The following ATP2B2 variants were observed in gnomAD, a reference collection of about 807,000 sequenced individuals.
The protein encoded by ATP2B2 is ATPase plasma membrane Ca2+ transporting 2, also known as plasma membrane calcium-transporting ATPase 2.
Under a neutral mutation model 120.0 loss-of-function variants are expected in ATP2B2, and 15 were observed. The observed-to-expected ratio is 0.12, with a 90% CI of 0.08 to 0.19. ATP2B2 has a LOEUF of 0.19. Ranked by LOEUF, ATP2B2 falls within the 10% of genes least tolerant of loss-of-function variation. The probability of loss-of-function intolerance (pLI) is 1.00; values close to 1 mark genes in which losing one functional copy is unlikely to be tolerated. For synonymous variants in ATP2B2, 694 were observed against 700.3 expected (o/e 0.99, Z 0.14); for missense variants, 1,045 against 1,719.8 (o/e 0.61, Z 6.94).
intron 3 of ATP2B2, among the ~76,000 whole-genome samples, chr3:10,527,725 C>T (rs893922981): frequency 8.5e-5 from 13 of 152,208 alleles, no homozygotes; most frequent in African/African-American, 1.7e-4. Flanking sequence ...GGGAGTGCCT[C>T]GCGAACCCAG....
intron 1 of ATP2B2, among the ~76,000 whole-genome samples, chr3:10,655,078 A>G (rs2070580162): frequency 6.6e-6 from 1 of 152,222 alleles, no homozygotes; most frequent in African/African-American, 2.4e-5. Flanking sequence ...GAACTAGTCA[A>G]TAAAAGCACA....
intron 1 of ATP2B2, among the ~76,000 whole-genome samples, chr3:10,659,470 A>T (rs2070723758): frequency 6.6e-6 from 1 of 152,230 alleles, no homozygotes; most frequent in Non-Finnish European, 1.5e-5. Context: ...ACAGACTTTA[A>T]ACAAACTAAG....
chr3:10,560,192 G>A (rs1344769758), intron 2 of ATP2B2, among the ~76,000 whole-genome samples: 3 of 152,200 alleles, frequency 2.0e-5, no homozygotes, highest in East Asian at 1.9e-4. Flanking sequence ...GAAAGGCATC[G>A]TGTAGTAGCT....
At chr3:10,683,592 C>A (rs1334952260) in intron 1 of ATP2B2, among the ~76,000 whole-genome samples, 1 of 151,490 alleles carries the variant, frequency 6.6e-6, no homozygotes, top group South Asian at 2.1e-4. Flanking sequence ...TCACTGCCAG[C>A]ACCACTTTTA....
chr3:10,495,872 C>T (rs1212192926), intron 1 of ATP2B2, among the ~76,000 whole-genome samples: 1 of 152,216 alleles, frequency 6.6e-6, no homozygotes, highest in Non-Finnish European at 1.5e-5. Context: ...GGCCTAGCCC[C>T]CAGGCAGGGC....
At chr3:10,500,822 A>G (rs1194188361) in intron 1 of ATP2B2, among the ~76,000 whole-genome samples, 1 of 152,224 alleles carries the variant, frequency 6.6e-6, no homozygotes, top group Non-Finnish European at 1.5e-5. Context: ...AACAAACACA[A>G]CGGGCTGTCC....
intron 2 of ATP2B2, among the ~76,000 whole-genome samples, chr3:10,437,953 C>A (rs1037796346): frequency 1.3e-5 from 2 of 152,172 alleles, no homozygotes; most frequent in African/African-American, 4.8e-5. Context: ...ATCTACAAGC[C>A]TCCAGAACTG....
At chr3:10,385,073 C>T (rs2061634845) in intron 8 of ATP2B2, among the ~76,000 whole-genome samples, 195 bp downstream of exon 8, 1 of 152,176 alleles carries the variant, frequency 6.6e-6, no homozygotes, top group African/African-American at 2.4e-5. Flanking sequence ...GTGAGGCTGA[C>T]AGGTTGCAGA....
intron 2 of ATP2B2, among the ~76,000 whole-genome samples, chr3:10,571,285 C>T (rs1411146744): frequency 6.6e-6 from 1 of 152,190 alleles, no homozygotes; most frequent in Non-Finnish European, 1.5e-5. Flanking sequence ...TTGTATGAGG[C>T]CAGGAGGACT....
chr3:10,391,691 G>T (rs539741369), intron 5 of ATP2B2, among the ~76,000 whole-genome samples: 1 of 152,102 alleles, frequency 6.6e-6, no homozygotes, highest in Non-Finnish European at 1.5e-5. Context: ...CAGGGGAGAC[G>T]GGGCATCTAC....
rs535958964 is a variant in ATP2B2 at position 10,635,875 on chromosome 3, C to G, written c.-459-15914G>C. 1.3e-5 allele frequency among the ~76,000 whole-genome samples: 2 copies of G among 152,270 alleles called. No individual in the cohort carries two copies. Among genetic ancestry groups the G allele is most frequent in the African/African-American group, 4.8e-5 (2 of 41,562 alleles). The stretch of plus-strand genomic sequence containing the variant: ...CTGCTGGCAAGGGAGGCTGCAGTGG[C>G]GGCTGCAAGTGTCACTCCCAGGCCT... On this transcript the variant is annotated intron_variant, in intron 1 of 21. Coordinates refer to the ATP2B2 transcript ENST00000646379. The surrounding 1 kb of genome is among the most constrained non-coding windows in gnomAD (Gnocchi z 4.3).
At chr3:10,356,532 A>G (rs2060736442) in intron 14 of ATP2B2, among the ~76,000 whole-genome samples, 1 of 152,154 alleles carries the variant, frequency 6.6e-6, no homozygotes, top group South Asian at 2.1e-4. Context: ...TACATTTCTT[A>G]TTGTGCGTCA....
At chr3:10,631,755 A>C (rs1311549454) in intron 1 of ATP2B2, among the ~76,000 whole-genome samples, 1 of 152,246 alleles carries the variant, frequency 6.6e-6, no homozygotes, top group East Asian at 1.9e-4. Flanking sequence ...CATGCTAAGA[A>C]AGAAAGATCA....
At chr3:10,571,952 C>G (rs910227755) in intron 2 of ATP2B2, among the ~76,000 whole-genome samples, 13 of 152,196 alleles carry the variant, frequency 8.5e-5, no homozygotes, top group Non-Finnish European at 1.9e-4. Flanking sequence ...TGCAGTTTCT[C>G]CCATTAAGGG....
At chr3:10,557,623 A>G (rs1397804415) in intron 2 of ATP2B2, among the ~76,000 whole-genome samples, 2 of 152,348 alleles carry the variant, frequency 1.3e-5, no homozygotes, top group African/African-American at 4.8e-5. Context: ...CAGGGACTGC[A>G]GGGCACAGTC....
intron 1 of ATP2B2, among the ~76,000 whole-genome samples, chr3:10,701,065 G>C (rs1422129940): frequency 6.6e-6 from 1 of 152,162 alleles, no homozygotes; most frequent in Non-Finnish European, 1.5e-5. Flanking sequence ...TCTATAGCAC[G>C]AATGACTAAC....
intron 1 of ATP2B2, among the ~76,000 whole-genome samples, chr3:10,658,638 G>A (rs939436138): frequency 1.3e-5 from 2 of 151,938 alleles, no homozygotes; most frequent in Admixed American, 6.6e-5. Context: ...TGAAAGTGAG[G>A]GGGAGAATGG....
intron 16 of ATP2B2, among the ~76,000 whole-genome samples, chr3:10,349,788 A>G (rs1477521369): frequency 6.6e-6 from 1 of 152,148 alleles, no homozygotes; most frequent in Non-Finnish European, 1.5e-5. Context: ...CATCATTTAA[A>G]AAGGCGCTGT....
chr3:10,513,145 G>A (rs897696676), intron 3 of ATP2B2, among the ~76,000 whole-genome samples: 6 of 142,640 alleles, frequency 4.2e-5, no homozygotes, highest in Non-Finnish European at 9.1e-5. Context: ...TTACAGAGGG[G>A]TGAGAGCATG....
Sources: allele counts gnomAD v4.1 joint callset (sites outside exome capture counted in the v4.1 genomes callset), GRCh38; gene constraint gnomAD v4.1.1; non-coding constraint Gnocchi (gnomAD v3.1); transcripts MANE v1.5; gene names NCBI Gene and HGNC (gene_info 2026-07-23, HGNC 2026-07-21).